DLGAP2: variants seen among roughly 807,000 people sequenced by gnomAD.
DLGAP2 encodes disks large-associated protein 2.
DLGAP2 carries 26 observed loss-of-function variants against 100.3 expected under a neutral mutation model. That is an observed-to-expected ratio of 0.26 (90% CI 0.19 to 0.36). The LOEUF is 0.36. Among genes scored for constraint, DLGAP2 ranks in the 10% least tolerant of loss-of-function variants. The probability of loss-of-function intolerance (pLI) is 1.00; values close to 1 mark genes in which losing one functional copy is unlikely to be tolerated. For synonymous variants in DLGAP2, 886 were observed against 630.1 expected (o/e 1.41, Z -6.08); for missense variants, 1,858 against 1,453.2 (o/e 1.28, Z -4.53).
intron 2 of DLGAP2, among the ~76,000 whole-genome samples, chr8:1,024,174 C>T (rs1324412119): frequency 1.0e-5 from 1 of 99,768 alleles, no homozygotes; most frequent in Non-Finnish European, 2.5e-5. Context: ...CCCACCCTCC[C>T]TGGGGGTGGA....
intron 6 of DLGAP2, among the ~76,000 whole-genome samples, chr8:1,578,687 C>G (rs1358170020): frequency 6.6e-6 from 1 of 152,164 alleles, no homozygotes; most frequent in African/African-American, 2.4e-5. Flanking sequence ...ATATGCACAT[C>G]CTAATTATAT....
chr8:1,432,344 C>T (rs946366397), intron 3 of DLGAP2, among the ~76,000 whole-genome samples: 3 of 152,120 alleles, frequency 2.0e-5, no homozygotes, highest in Non-Finnish European at 4.4e-5. Context: ...ATTCTATGCA[C>T]CTTAAAAAAA....
At chr8:1,193,207 C>T (rs1185476831) in intron 2 of DLGAP2, among the ~76,000 whole-genome samples, 1 of 152,086 alleles carries the variant, frequency 6.6e-6, no homozygotes, top group African/African-American at 2.4e-5. Context: ...ATTGCTGGGT[C>T]AAATGGTATT....
intron 2 of DLGAP2, among the ~76,000 whole-genome samples, chr8:1,227,932 CTA>C (rs1341516247): frequency 4.6e-5 from 7 of 152,280 alleles, no homozygotes; most frequent in East Asian, 1.9e-4. Flanking sequence ...AAATGGGTAA[CTA>C]TGTGAGATGA....
At chr8:1,519,393 C>G (rs1346269897) in intron 4 of DLGAP2, among the ~76,000 whole-genome samples, 1 of 152,108 alleles carries the variant, frequency 6.6e-6, no homozygotes, top group Non-Finnish European at 1.5e-5. Flanking sequence ...CAGTGTTTTG[C>G]ACGACAAGTT....
chr8:913,904 G>C (rs552520557), intron 2 of DLGAP2, among the ~76,000 whole-genome samples: 67 of 152,340 alleles, frequency 4.4e-4, no homozygotes, highest in Non-Finnish European at 6.6e-4. Context: ...CTGTGGGCAC[G>C]GCCCCCGGAG....
chr8:1,152,733 A>G (rs1796717601), intron 2 of DLGAP2, among the ~76,000 whole-genome samples: 1 of 152,206 alleles, frequency 6.6e-6, no homozygotes, highest in Non-Finnish European at 1.5e-5. Context: ...GCTTGCTTAG[A>G]ATCAGCTTCC....
intron 2 of DLGAP2, among the ~76,000 whole-genome samples, chr8:1,218,217 T>A (rs1490862502): frequency 6.6e-6 from 1 of 152,248 alleles, no homozygotes; most frequent in Non-Finnish European, 1.5e-5. Flanking sequence ...TTTTATAGTT[T>A]TAGGTTTTGC....
chr8:1,173,794 T>A (rs1265783706), intron 2 of DLGAP2, among the ~76,000 whole-genome samples: 2 of 152,166 alleles, frequency 1.3e-5, no homozygotes, highest in Non-Finnish European at 2.9e-5. Flanking sequence ...CACCCCTTTC[T>A]TTGACTAGGA....
intron 5 of DLGAP2, among the ~76,000 whole-genome samples, chr8:1,558,514 T>A (rs529967651): frequency 7.2e-5 from 11 of 152,156 alleles, no homozygotes; most frequent in Admixed American, 3.9e-4. Flanking sequence ...CACATAGGCA[T>A]GCATGCACAC....
At chr8:969,428 C>A (rs550389130) in intron 2 of DLGAP2, among the ~76,000 whole-genome samples, 1 of 151,912 alleles carries the variant, frequency 6.6e-6, no homozygotes, top group Admixed American at 6.6e-5. Flanking sequence ...AGACTCCTGA[C>A]GAATACACAA....
chr8:803,905 A>C (rs1023720316), intron 1 of DLGAP2, among the ~76,000 whole-genome samples: 1 of 152,222 alleles, frequency 6.6e-6, no homozygotes, highest in African/African-American at 2.4e-5. Flanking sequence ...TAGGGCTTTC[A>C]AAAGAAATTT....
intron 3 of DLGAP2, among the ~76,000 whole-genome samples, chr8:1,452,429 A>T (rs1273111022): frequency 2.0e-5 from 3 of 152,228 alleles, no homozygotes; most frequent in Admixed American, 2.0e-4. Flanking sequence ...GGGAAGGAGA[A>T]TGAGAACAAA....
chr8:1,125,377 A>G (rs1302898716), intron 2 of DLGAP2, among the ~76,000 whole-genome samples: 2 of 152,214 alleles, frequency 1.3e-5, no homozygotes, highest in Non-Finnish European at 2.9e-5. Context: ...TTTATGGAAA[A>G]AAATGAGTTT....
chr8:860,197 C>T (rs538298244), intron 1 of DLGAP2, among the ~76,000 whole-genome samples: 20 of 152,152 alleles, frequency 1.3e-4, no homozygotes, highest in Admixed American at 2.6e-4. Context: ...TTACAGACGG[C>T]CTTTCAGGTG....
chr8:1,292,188 A>AC (rs1306032791), intron 3 of DLGAP2, among the ~76,000 whole-genome samples: 4 of 152,268 alleles, frequency 2.6e-5, no homozygotes, highest in African/African-American at 9.6e-5. Flanking sequence ...TTGCTCATGC[A>AC]CCCCCTCCTC....
At chr8:1,046,137 C>G (rs551331109) in intron 2 of DLGAP2, among the ~76,000 whole-genome samples, 1 of 152,316 alleles carries the variant, frequency 6.6e-6, no homozygotes, top group African/African-American at 2.4e-5. Flanking sequence ...AGAATAAAGT[C>G]AGGCAGTTAT....
At chr8:1,036,939 A>G (rs1468972383) in intron 2 of DLGAP2, among the ~76,000 whole-genome samples, 3 of 152,078 alleles carry the variant, frequency 2.0e-5, no homozygotes, top group Non-Finnish European at 4.4e-5. Flanking sequence ...CACAGTTCCT[A>G]AAGTCCGTGC....
intron 2 of DLGAP2, among the ~76,000 whole-genome samples, chr8:1,052,424 C>G (rs116275401): frequency 1.1e-4 from 16 of 152,290 alleles, no homozygotes; most frequent in African/African-American, 3.9e-4. Flanking sequence ...CACATGGCAT[C>G]ACAGCATACA....
Sources: gnomAD v4.1 joint callset for allele counts (sites outside exome capture counted in the v4.1 genomes callset) on GRCh38, gnomAD v4.1.1 for gene constraint, MANE v1.5 for transcripts, NCBI Gene and HGNC (gene_info 2026-07-23, HGNC 2026-07-21) for gene names.